Variants in DCST2 observed in about 807,000 individuals in gnomAD.
DCST2 encodes DC-STAMP domain-containing protein 2.
Under a neutral mutation model 81.8 loss-of-function variants are expected in DCST2, and 64 were observed. The ratio of observed to expected loss-of-function variants is 0.78; its 90% CI spans 0.64 to 0.96. The LOEUF is 0.96. Among genes scored for constraint, DCST2 ranks in the 40% least tolerant of loss-of-function variants. DCST2 has a pLI of 0.00. For synonymous variants in DCST2, 354 were observed against 402.6 expected (o/e 0.88, Z 1.44); for missense variants, 945 against 1,001.4 (o/e 0.94, Z 0.76).
At chr1:155,024,118 T>G (rs1659830220) in intron 11 of DCST2, among the ~76,000 whole-genome samples, 159 bp from the exon 12 acceptor site, 1 of 152,142 alleles carries the variant, frequency 6.6e-6, no homozygotes, top group African/African-American at 2.4e-5. Context: ...GGCCCTGCCT[T>G]CCTTCCTCCC....
intron 5 of DCST2, 137 bp from the exon 6 acceptor site, chr1:155,030,782 G>T (rs1660052110): frequency 1.2e-6 from 1 of 849,020 alleles, no homozygotes; most frequent in Non-Finnish European, 1.8e-6. Flanking sequence ...CTTGGGTCAA[G>T]GTGGACTGAG....
chr1:155,033,031 A>G (rs1397038733), intron 2 of DCST2, 63 bp downstream of exon 2: 6 of 1,464,740 alleles, frequency 4.1e-6, no homozygotes, highest in Non-Finnish European at 9.1e-7. Context: ...GGACTGTAGA[A>G]CATGCAGGAT....
chr1:155,030,858 G>C (rs543726802), intron 5 of DCST2: 40 of 614,692 alleles, frequency 6.5e-5, no homozygotes, highest in Admixed American at 5.6e-4. Flanking sequence ...GCATGACACA[G>C]GGCATGCAAC....
intron 6 of DCST2, 71 bp downstream of exon 6, chr1:155,030,361 G>T: frequency 6.3e-7 from 1 of 1,594,134 alleles, no homozygotes; most frequent in Non-Finnish European, 8.6e-7. Flanking sequence ...AGGGAGAAAT[G>T]AGCTGCTCCC....
At position 155,030,187 on chromosome 1, in the gene DCST2, G is replaced by A. The variant is rs748879555; in HGVS notation, c.1074C>T (p.Tyr358=). 1 of 1,614,066 alleles carries A rather than the reference G, an allele frequency of 6.2e-7. No individual in the cohort carries two copies. Among genetic ancestry groups the A allele is most frequent in the Non-Finnish European group, 8.5e-7 (1 of 1,180,040 alleles). ...YLNWDHYDNI[Y]ITSRFLRMEA... ...CCATGCGCAGGAATCGGCTAGTGAT[G>A]TAGATATTGTCATAATGGTCCCAGT... is the stretch of plus-strand genomic sequence containing the variant. Residue 358 remains tyrosine (Y), a synonymous_variant, in exon 7 of 15, where the codon TAC becomes TAT. Coordinates refer to ENST00000368424, the MANE Select transcript of DCST2 (RefSeq NM_144622.3).
intron 14 of DCST2, among the ~76,000 whole-genome samples, chr1:155,020,651 G>A (rs889075982): frequency 6.6e-6 from 1 of 152,118 alleles, no homozygotes; most frequent in East Asian, 1.9e-4. Flanking sequence ...ACAGGCGTGA[G>A]CCACCACACC....
intron 2 of DCST2, 128 bp from the exon 3 acceptor site, chr1:155,032,896 C>A: frequency 5.7e-6 from 6 of 1,048,066 alleles, no homozygotes; most frequent in Non-Finnish European, 8.4e-6. Context: ...GATTCTGGGG[C>A]CTGGGAGATC....
chr1:155,018,787 G>C (rs749170029), intron 14 of DCST2, 27 bp from the exon 15 acceptor site: 10 of 1,599,400 alleles, frequency 6.3e-6, no homozygotes, highest in Non-Finnish European at 5.1e-6. Context: ...GGGGGTGGCC[G>C]GATCACCCAC....
intron 10 of DCST2, among the ~76,000 whole-genome samples, chr1:155,025,008 G>C (rs1659860477): frequency 6.6e-6 from 1 of 151,982 alleles, no homozygotes; most frequent in African/African-American, 2.4e-5. Context: ...ATTAACTGGG[G>C]TGGTGGCGCA....
Position 155,018,620 on chromosome 1 carries a change from G to T in DCST2, c.2246C>A (p.Pro749His). 6.2e-7 allele frequency: 1 copy of T among 1,613,896 alleles called. No homozygotes were observed. Residue 749 changes from proline (P) to histidine (H), a missense_variant, in exon 15 of 15, where the codon CCC becomes CAC. Pro to His is a moderately conservative substitution (Grantham distance 77, BLOSUM62 -2). Transcript: ENST00000368424. ...PETSSATKGA[P>H]TPASEPSVPL... ...GACTGAGGGTTCTGAAGCTGGAGTGGGGGCTCCTTTAGTGGCGGAGGATGT... is the reference window on the plus strand; with the variant it reads ...GACTGAGGGTTCTGAAGCTGGAGTGTGGGCTCCTTTAGTGGCGGAGGATGT...
At chr1:155,032,150 C>T (rs1309947362) in intron 3 of DCST2, among the ~76,000 whole-genome samples, 1 of 152,056 alleles carries the variant, frequency 6.6e-6, no homozygotes, top group African/African-American at 2.4e-5. Flanking sequence ...CGTGCCACCA[C>T]GCCCGGCTAA....
At chr1:155,030,324 A>G in intron 6 of DCST2, 83 bp from the exon 7 acceptor site, 1 of 1,599,822 alleles carries the variant, frequency 6.3e-7, no homozygotes, top group Admixed American at 1.7e-5. Context: ...TCAACCCCAC[A>G]ACTTCAACCT....
rs773205509 is a variant in DCST2 at position 155,033,521 on chromosome 1, T to C, written c.181A>G (p.Thr61Ala). Residue 61 changes from threonine to alanine, a missense_variant, in exon 1 of 15, where the codon ACT becomes GCT. Coordinates refer to ENST00000368424, the MANE Select transcript of DCST2 (RefSeq NM_144622.3). ...SPWGCLVGTL[T>A]LAAFLSLGMG... ...CCCAGGCTAAGGAAGGCAGCCAAAG[T>C]GAGGGTGCCCACCAGGCAACCCCAG... The C allele has an allele frequency of 6.2e-7, 1 of 1,613,998 alleles. No individual in the cohort carries two copies. Among genetic ancestry groups the C allele is most frequent in the South Asian group, 1.1e-5 (1 of 91,074 alleles).
At position 155,031,154 on chromosome 1, in the gene DCST2, G is replaced by C; in HGVS notation, c.805+15C>G. 6.3e-7 allele frequency: 1 copy of C among 1,586,256 alleles called. No individual in the cohort carries two copies. The highest frequency in any genetic ancestry group is 8.5e-7 in the Non-Finnish European group (1 of 1,170,464). On this transcript the variant is annotated intron_variant, in intron 5 of 14. Transcript: ENST00000368424. ...CACTAGGGAGCACCATATGTGGCAG[G>C]AGGGGGTCACTCACGGGTGCCGATG...
intron 8 of DCST2, 154 bp from the exon 9 acceptor site, chr1:155,026,869 C>T (rs1385151834): frequency 3.5e-6 from 3 of 857,196 alleles, no homozygotes; most frequent in Non-Finnish European, 3.6e-6. Flanking sequence ...CCTCATGGTG[C>T]CCTGGGGCCT....
Position 155,031,515 on chromosome 1 carries a change from T to TGCCC in DCST2, c.739+58_739+59insGGGC. On this transcript the variant is annotated intron_variant, in intron 4 of 14. Coordinates refer to ENST00000368424, the MANE Select transcript of DCST2 (RefSeq NM_144622.3). The stretch of plus-strand genomic sequence containing the variant: ...CTGCCCTCCCAACTGACCCCCACAT[T>TGCCC]CCCACCCCACCCCACCCCACATCGG... 91 of 643,126 alleles carry TGCCC rather than the reference T, an allele frequency of 1.4e-4. 1 individual carries two copies. The highest frequency in any genetic ancestry group is 2.4e-4 in the Non-Finnish European group (81 of 343,058). The allele number at this position is 643,126 out of a possible 1,614,324, so 39.8% of individuals were successfully genotyped here. A position where few individuals can be genotyped will look rare whatever the true frequency, so the allele number is the denominator to read the frequency against.
intron 3 of DCST2, among the ~76,000 whole-genome samples, chr1:155,032,402 G>A (rs752148837): frequency 6.6e-6 from 1 of 152,072 alleles, no homozygotes; most frequent in African/African-American, 2.4e-5. Context: ...CTGGGTTCAA[G>A]AGATCCTTCC....
intron 7 of DCST2, 148 bp from the exon 8 acceptor site, chr1:155,029,545 T>G: frequency 3.8e-6 from 3 of 783,700 alleles, no homozygotes; most frequent in Non-Finnish European, 4.0e-6. Flanking sequence ...GTGAGGACTC[T>G]GGCAAGGATG....
chr1:155,026,459 C>A, intron 9 of DCST2, 57 bp from the exon 10 acceptor site: 2 of 1,612,446 alleles, frequency 1.2e-6, no homozygotes, highest in South Asian at 2.2e-5. Flanking sequence ...CCAGCCCACC[C>A]CTGGCGCCCC....
Sources: allele counts gnomAD v4.1 joint callset (sites outside exome capture counted in the v4.1 genomes callset), GRCh38; gene constraint gnomAD v4.1.1; transcripts MANE v1.5; gene names NCBI Gene and HGNC (gene_info 2026-07-23, HGNC 2026-07-21).